The following WWOX variants were observed in gnomAD, a reference collection of about 807,000 sequenced individuals.
WWOX encodes WW domain-containing oxidoreductase.
A neutral mutation model predicts 46.2 loss-of-function variants in WWOX; 69 were observed. The ratio of observed to expected loss-of-function variants is 1.49; its 90% CI spans 1.23 to 1.82. The LOEUF (loss-of-function observed/expected upper bound fraction) is 1.82, where lower values mean the gene tolerates loss of function less well. Among genes scored for constraint, WWOX ranks in the 40% most tolerant of loss-of-function variants. WWOX has a pLI of 0.00. For missense variants in WWOX, 919 were observed against 542.6 expected (o/e 1.69, Z -6.89); for synonymous variants, 359 against 202.6 (o/e 1.77, Z -6.56).
At chr16:78,204,632 A>G (rs2036335228) in intron 5 of WWOX, among the ~76,000 whole-genome samples, 1 of 152,078 alleles carries the variant, frequency 6.6e-6, no homozygotes, top group South Asian at 2.1e-4. Flanking sequence ...TTTGATTTTT[A>G]GATCCAAGAA....
chr16:79,146,780 T>C (rs541626303), intron 8 of WWOX, among the ~76,000 whole-genome samples: 1 of 152,258 alleles, frequency 6.6e-6, no homozygotes, highest in South Asian at 2.1e-4. Context: ...AAGCGAAGAC[T>C]ACTGAACAAG....
intron 8 of WWOX, among the ~76,000 whole-genome samples, chr16:78,780,249 G>T (rs1429944404): frequency 1.3e-5 from 2 of 152,038 alleles, no homozygotes; most frequent in Non-Finnish European, 2.9e-5. Context: ...GGAAGCTGGG[G>T]GTCAGGAGAG....
intron 8 of WWOX, among the ~76,000 whole-genome samples, chr16:78,874,803 G>A (rs889660929): frequency 3.4e-5 from 5 of 147,572 alleles, no homozygotes; most frequent in African/African-American, 1.3e-4. Context: ...TTCTACATAG[G>A]AGTATATTTG....
At chr16:78,638,713 A>G (rs2046634440) in intron 8 of WWOX, among the ~76,000 whole-genome samples, 1 of 152,184 alleles carries the variant, frequency 6.6e-6, no homozygotes, top group Non-Finnish European at 1.5e-5. Flanking sequence ...CGAATACATT[A>G]GAGCATTAGA....
chr16:79,106,454 T>G (rs1283874363), intron 8 of WWOX, among the ~76,000 whole-genome samples: 2 of 152,126 alleles, frequency 1.3e-5, no homozygotes, highest in Non-Finnish European at 1.5e-5. Context: ...CTGGGATGAA[T>G]CTGGGGACAC....
intron 5 of WWOX, among the ~76,000 whole-genome samples, chr16:78,378,500 T>C (rs1391291051): frequency 6.6e-6 from 1 of 152,196 alleles, no homozygotes; most frequent in Non-Finnish European, 1.5e-5. Context: ...ACTTAAATAA[T>C]ATTAGAGGAA....
chr16:78,662,949 T>G (rs1338442112), intron 8 of WWOX, among the ~76,000 whole-genome samples: 1 of 152,092 alleles, frequency 6.6e-6, no homozygotes, highest in Non-Finnish European at 1.5e-5. Flanking sequence ...GCAGCCAGGG[T>G]GTTTTTTTAA....
At chr16:78,208,328 T>G (rs2036456815) in intron 5 of WWOX, among the ~76,000 whole-genome samples, 1 of 151,820 alleles carries the variant, frequency 6.6e-6, no homozygotes, top group African/African-American at 2.4e-5. Flanking sequence ...CTCTGAATCT[T>G]GAAATAAATA....
At chr16:78,956,269 C>T (rs1324877575) in intron 8 of WWOX, among the ~76,000 whole-genome samples, 2 of 152,164 alleles carry the variant, frequency 1.3e-5, no homozygotes, top group East Asian at 1.9e-4. Flanking sequence ...CCTCAGCCTC[C>T]TGAGTAGCTG....
At chr16:78,118,017 C>A (rs1278775259) in intron 4 of WWOX, among the ~76,000 whole-genome samples, 1 of 150,894 alleles carries the variant, frequency 6.6e-6, no homozygotes, top group Non-Finnish European at 1.5e-5. Context: ...CTAGTATTTC[C>A]AGTGGTTCTT....
chr16:78,785,371 T>G (rs1461646432), intron 8 of WWOX, among the ~76,000 whole-genome samples: 1 of 152,266 alleles, frequency 6.6e-6, no homozygotes, highest in East Asian at 1.9e-4. Flanking sequence ...GAAACTCAGT[T>G]AAGGCTGTTT....
intron 8 of WWOX, among the ~76,000 whole-genome samples, chr16:79,179,522 T>C (rs1485236362): frequency 6.6e-6 from 1 of 152,224 alleles, no homozygotes; most frequent in African/African-American, 2.4e-5. Flanking sequence ...TGTTTTTGTT[T>C]TTCCTTCAGC....
chr16:79,008,767 A>G (rs2047241168), intron 8 of WWOX, among the ~76,000 whole-genome samples: 1 of 152,186 alleles, frequency 6.6e-6, no homozygotes. Flanking sequence ...AAACAAAGGG[A>G]GATCACAGCA....
intron 8 of WWOX, among the ~76,000 whole-genome samples, chr16:79,120,560 A>G (rs1180520032): frequency 1.3e-5 from 2 of 152,188 alleles, no homozygotes; most frequent in African/African-American, 4.8e-5. Context: ...GTAAAACAGC[A>G]GAGATACATT....
At chr16:79,076,700 C>G (rs945068699) in intron 8 of WWOX, among the ~76,000 whole-genome samples, 1 of 152,202 alleles carries the variant, frequency 6.6e-6, no homozygotes, top group African/African-American at 2.4e-5. Context: ...CGTCTTTAGC[C>G]CCCCACTTAG....
At chr16:79,155,687 A>T (rs1468685688) in intron 8 of WWOX, among the ~76,000 whole-genome samples, 1 of 152,078 alleles carries the variant, frequency 6.6e-6, no homozygotes, top group African/African-American at 2.4e-5. Context: ...TGGTTATAGG[A>T]GGTCAGGGAG....
chr16:78,784,454 A>T (rs1028352913), intron 8 of WWOX, among the ~76,000 whole-genome samples: 1 of 151,936 alleles, frequency 6.6e-6, no homozygotes, highest in African/African-American at 2.4e-5. Context: ...GTTCTTACCC[A>T]TTAGGGATTA....
At chr16:79,015,359 A>G (rs1157742577) in intron 8 of WWOX, among the ~76,000 whole-genome samples, 3 of 152,210 alleles carry the variant, frequency 2.0e-5, no homozygotes, top group East Asian at 3.8e-4. Flanking sequence ...GACCTTCCAC[A>G]TGCTTTTTGA....
At chr16:78,945,802 A>C (rs892627394) in intron 8 of WWOX, among the ~76,000 whole-genome samples, 1 of 152,016 alleles carries the variant, frequency 6.6e-6, no homozygotes, top group African/African-American at 2.4e-5. Flanking sequence ...TGGTAGACAG[A>C]AGCTGTCTTT....
Sources: allele counts gnomAD v4.1 joint callset (sites outside exome capture counted in the v4.1 genomes callset), GRCh38; gene constraint gnomAD v4.1.1; transcripts MANE v1.5; gene names NCBI Gene and HGNC (gene_info 2026-07-23, HGNC 2026-07-21).